Variants in SSPN observed in about 807,000 individuals in gnomAD.
The protein encoded by SSPN is K-ras oncogene-associated protein.
Under a neutral mutation model 19.1 loss-of-function variants are expected in SSPN, and 15 were observed. The ratio of observed to expected loss-of-function variants is 0.78; its 90% CI spans 0.52 to 1.21. The LOEUF (loss-of-function observed/expected upper bound fraction) is 1.21, where lower values mean the gene tolerates loss of function less well. Among genes scored for constraint, SSPN ranks in the 50% most tolerant of loss-of-function variants. The pLI is 0.00. For synonymous variants in SSPN, 147 were observed against 140.3 expected, an observed-to-expected ratio of 1.05 and a Z score of -0.34; for missense variants, 291 against 314.0, an observed-to-expected ratio of 0.93 and a Z score of 0.55.
chr12:26,180,933 G>T (rs1944714939), intron 1 of SSPN: 1 of 152,208 alleles, frequency 6.6e-6, no homozygotes, highest in Non-Finnish European at 1.5e-5. Flanking sequence ...AAATTTCCAA[G>T]GAGGCAACAA....
At chr12:26,124,748 C>T in intron 1 of SSPN, 1 of 1,614,226 alleles carries the variant, frequency 6.2e-7, no homozygotes, top group Non-Finnish European at 8.5e-7. Flanking sequence ...CAGTAACTGT[C>T]TCTCTTGCAA....
At chr12:26,138,573 T>A (rs946644882) in intron 1 of SSPN, among the ~76,000 whole-genome samples, 1 of 152,218 alleles carries the variant, frequency 6.6e-6, no homozygotes, top group African/African-American at 2.4e-5. Flanking sequence ...TTAACTAAGG[T>A]ACTGAATTTT....
chr12:26,164,152 CAG>C (rs1043914478), intron 1 of SSPN, among the ~76,000 whole-genome samples: 14 of 152,178 alleles, frequency 9.2e-5, no homozygotes, highest in African/African-American at 3.1e-4. Context: ...GAACTGCAGA[CAG>C]AGTGACTAAA....
At chr12:26,171,416 C>T (rs1202755297) in intron 1 of SSPN, among the ~76,000 whole-genome samples, 1 of 152,158 alleles carries the variant, frequency 6.6e-6, no homozygotes, top group Admixed American at 6.5e-5. Flanking sequence ...CCCTGAGACC[C>T]TTCTAGGGGG....
chr12:26,133,996 A>G (rs1286989780), intron 1 of SSPN, among the ~76,000 whole-genome samples: 4 of 152,062 alleles, frequency 2.6e-5, no homozygotes, highest in Non-Finnish European at 5.9e-5. Flanking sequence ...AGCCAGAGCA[A>G]TTTTTCTGTT....
At position 26,211,686 on chromosome 12, in the gene SSPN, A is replaced by C. The variant is rs544480922; in HGVS notation, c.280-12607A>C. 2.0e-5 allele frequency: 3 copies of C among 152,328 alleles called. No individual in the cohort carries two copies. In the South Asian group the frequency reaches 6.2e-4, roughly 32 times the overall value. The allele number at this position is 152,328 out of a possible 1,614,324, so 9.4% of individuals were successfully genotyped here. On this transcript the variant is annotated intron_variant, in intron 1 of 2. Coordinates refer to ENST00000242729, the MANE Select transcript of SSPN (RefSeq NM_005086.5). ...TTTCTAATATCCTATAAAGCAACATAGGAGATACAAGTGAACATCTGCAAA... is the reference window on the plus strand; with the variant it reads ...TTTCTAATATCCTATAAAGCAACATCGGAGATACAAGTGAACATCTGCAAA...
rs146065049 is a variant in SSPN, at chr12:26,224,185, G to A, written c.280-108G>A. 1,141 of 746,498 alleles carry A rather than the reference G, an allele frequency of 1.5e-3. 2 individuals are homozygous for A. The highest frequency in any genetic ancestry group is 2.1e-3 in the Non-Finnish European group (901 of 433,896). The allele number at this position is 746,498 out of a possible 1,614,324, so 46.2% of individuals were successfully genotyped here. ...GTACATAAAGATAAGTAAAAGAAAC[G>A]GACAGCTTTATAACATGGATGTGAC... On this transcript the variant is annotated intron_variant, in intron 1 of 2. Transcript: ENST00000242729.
At chr12:26,218,635 G>A (rs575481788) in intron 1 of SSPN, among the ~76,000 whole-genome samples, 6 of 152,194 alleles carry the variant, frequency 3.9e-5, no homozygotes, top group Admixed American at 3.9e-4. Context: ...CAGTGGCAAT[G>A]AGAATCCAGT....
upstream of SSPN, among the ~76,000 whole-genome samples, chr12:26,191,462 A>AAGAG (rs1169115286): frequency 2.0e-5 from 3 of 151,118 alleles, no homozygotes; most frequent in Non-Finnish European, 4.4e-5. Flanking sequence ...CCAGGGAAGA[A>AAGAG]AGAGAGAGAG....
chr12:26,194,322 A>C (rs1005006068), upstream of SSPN, among the ~76,000 whole-genome samples: 27 of 152,218 alleles, frequency 1.8e-4, no homozygotes, highest in Non-Finnish European at 3.7e-4. Context: ...ATAACTCTTA[A>C]ATATTGACTG....
At chr12:26,212,860 CT>C (rs200193801) in intron 1 of SSPN, among the ~76,000 whole-genome samples, 1,689 of 151,696 alleles carry the variant, frequency 0.011, 28 homozygotes, top group African/African-American at 0.037. Flanking sequence ...GAAGAAAAAA[CT>C]TTTTTTTCAA....
intron 1 of SSPN, among the ~76,000 whole-genome samples, chr12:26,137,335 T>A (rs1346308241): frequency 6.6e-6 from 1 of 152,192 alleles, no homozygotes; most frequent in African/African-American, 2.4e-5. Context: ...ATTCAGCATT[T>A]CTATTTACCT....
intron 1 of SSPN, chr12:26,123,494 T>C: frequency 1.3e-6 from 1 of 757,632 alleles, no homozygotes; most frequent in Non-Finnish European, 2.4e-6. Flanking sequence ...AGGGAAAGTA[T>C]AAGCAATTTA....
chr12:26,212,612 C>G (rs1945001339), intron 1 of SSPN, among the ~76,000 whole-genome samples: 1 of 151,688 alleles, frequency 6.6e-6, no homozygotes, highest in South Asian at 2.1e-4. Flanking sequence ...AGGATTTCTA[C>G]ACTAGAGCTT....
intron 1 of SSPN, among the ~76,000 whole-genome samples, chr12:26,173,821 A>G (rs1268148150): frequency 6.6e-6 from 1 of 152,188 alleles, no homozygotes. Flanking sequence ...TATTTCGTTT[A>G]TTACGTCAAC....
intron 1 of SSPN, among the ~76,000 whole-genome samples, chr12:26,166,670 T>C (rs1414814086): frequency 1.3e-5 from 2 of 152,248 alleles, no homozygotes; most frequent in Non-Finnish European, 2.9e-5. Flanking sequence ...ATATACCAAA[T>C]TTTATTTGAA....
At chr12:26,196,385 C>T (rs572335811) in intron 1 of SSPN, among the ~76,000 whole-genome samples, 15 of 152,322 alleles carry the variant, frequency 9.8e-5, no homozygotes, top group African/African-American at 3.4e-4. Context: ...AAAGCCTGTA[C>T]TTGGAGTTGC....
intron 1 of SSPN, among the ~76,000 whole-genome samples, chr12:26,185,871 C>T (rs1430288440): frequency 3.9e-5 from 6 of 152,214 alleles, no homozygotes; most frequent in Non-Finnish European, 7.3e-5. Context: ...CTTTATGACA[C>T]TTCCCTGATT....
At chr12:26,152,407 T>C (rs1363068325) in intron 1 of SSPN, among the ~76,000 whole-genome samples, 3 of 152,176 alleles carry the variant, frequency 2.0e-5, no homozygotes, top group Non-Finnish European at 2.9e-5. Context: ...ATTATAAATT[T>C]ATAACATTTA....
Sources: gnomAD v4.1 joint callset for allele counts (sites outside exome capture counted in the v4.1 genomes callset) on GRCh38, gnomAD v4.1.1 for gene constraint, MANE v1.5 for transcripts, NCBI Gene and HGNC (gene_info 2026-07-23, HGNC 2026-07-21) for gene names.